PPP3CA: variants seen among roughly 807,000 people sequenced by gnomAD.
The protein encoded by PPP3CA is protein phosphatase 3 catalytic subunit alpha, also known as CAM-PRP catalytic subunit.
In PPP3CA, 14 loss-of-function variants were observed where a neutral mutation model predicts 66.5. That is an observed-to-expected ratio of 0.21 (90% CI 0.14 to 0.33). PPP3CA has a LOEUF of 0.33. Among genes scored for constraint, PPP3CA ranks in the 10% least tolerant of loss-of-function variants. The pLI, the probability that PPP3CA is intolerant of heterozygous loss-of-function variation, is 1.00. For missense variants in PPP3CA, 317 were observed against 639.5 expected (o/e 0.50, Z 5.44); for synonymous variants, 232 against 226.2 (o/e 1.03, Z -0.23).
chr4:101,190,355 A>C (rs1724558058), intron 2 of PPP3CA, among the ~76,000 whole-genome samples: 1 of 152,156 alleles, frequency 6.6e-6, no homozygotes, highest in African/African-American at 2.4e-5. Context: ...TAAATATGTC[A>C]TTATTTGTGA....
At chr4:101,175,688 T>C (rs921168152) in intron 2 of PPP3CA, among the ~76,000 whole-genome samples, 24 of 152,210 alleles carry the variant, frequency 1.6e-4, no homozygotes, top group African/African-American at 5.5e-4. Flanking sequence ...GAGTCTGTCC[T>C]ATATTGTTGA....
intron 2 of PPP3CA, among the ~76,000 whole-genome samples, chr4:101,180,539 AAATT>A (rs1466809868): frequency 6.6e-6 from 1 of 152,168 alleles, no homozygotes; most frequent in African/African-American, 2.4e-5. Context: ...TGTATGCCTT[AAATT>A]TATTCTGGAA....
At chr4:101,236,391 C>G (rs969478625) in intron 1 of PPP3CA, among the ~76,000 whole-genome samples, 6 of 151,860 alleles carry the variant, frequency 4.0e-5, no homozygotes, top group Admixed American at 2.0e-4. Flanking sequence ...CTGAAAGAAA[C>G]CATGTAAACT....
At chr4:101,324,090 AGAGT>A (rs1192250760) in intron 1 of PPP3CA, among the ~76,000 whole-genome samples, 1 of 150,930 alleles carries the variant, frequency 6.6e-6, no homozygotes. Flanking sequence ...CCTGGGTGAC[AGAGT>A]GAGACAAAAG....
intron 1 of PPP3CA, among the ~76,000 whole-genome samples, chr4:101,317,286 A>T (rs543864605): frequency 6.6e-6 from 1 of 150,566 alleles, no homozygotes; most frequent in Admixed American, 6.6e-5. Flanking sequence ...ACACACACAC[A>T]CTCACACACA....
intron 1 of PPP3CA, among the ~76,000 whole-genome samples, chr4:101,327,411 G>T (rs1380177062): frequency 1.3e-5 from 2 of 151,554 alleles, no homozygotes; most frequent in Non-Finnish European, 2.9e-5. Context: ...ATTTACTAGG[G>T]GAATTCCCAA....
chr4:101,269,665 A>G (rs1417722207), intron 1 of PPP3CA, among the ~76,000 whole-genome samples: 2 of 151,864 alleles, frequency 1.3e-5, no homozygotes, highest in Non-Finnish European at 2.9e-5. Context: ...TTCATTAAAT[A>G]TTTGTTGGAA....
chr4:101,268,072 T>G (rs1355384603), intron 1 of PPP3CA, among the ~76,000 whole-genome samples: 5 of 151,944 alleles, frequency 3.3e-5, no homozygotes, highest in Non-Finnish European at 7.4e-5. Context: ...CTTGGGAGGA[T>G]GAAGCAGGAG....
intron 10 of PPP3CA, among the ~76,000 whole-genome samples, chr4:101,050,509 A>G (rs1266959112): frequency 6.6e-6 from 1 of 152,180 alleles, no homozygotes; most frequent in Non-Finnish European, 1.5e-5. Context: ...TTCCTTATCT[A>G]TAAAGTGAGG....
At chr4:101,154,746 T>G (rs2110301474) in intron 2 of PPP3CA, among the ~76,000 whole-genome samples, 1 of 152,256 alleles carries the variant, frequency 6.6e-6, no homozygotes, top group African/African-American at 2.4e-5. Context: ...GAATTACATT[T>G]GTTCTGCCTG....
At chr4:101,092,582 C>G (rs1252482619) in intron 6 of PPP3CA, among the ~76,000 whole-genome samples, 2 of 151,934 alleles carry the variant, frequency 1.3e-5, no homozygotes, top group Non-Finnish European at 1.5e-5. Flanking sequence ...AATATCCTTC[C>G]CCTAGCCCCC....
intron 2 of PPP3CA, among the ~76,000 whole-genome samples, chr4:101,194,543 G>A (rs1054512064): frequency 6.6e-6 from 1 of 151,944 alleles, no homozygotes; most frequent in African/African-American, 2.4e-5. Context: ...AAAGTCTCTG[G>A]TATTAGAAGC....
At chr4:101,111,293 A>T (rs1721661539) in intron 2 of PPP3CA, among the ~76,000 whole-genome samples, 1 of 152,212 alleles carries the variant, frequency 6.6e-6, no homozygotes, top group Admixed American at 6.5e-5. Context: ...GAAACAAATT[A>T]TGAAGCAAGA....
intron 2 of PPP3CA, among the ~76,000 whole-genome samples, chr4:101,160,737 C>A (rs900803025): frequency 2.6e-5 from 4 of 151,934 alleles, no homozygotes; most frequent in Non-Finnish European, 5.9e-5. Flanking sequence ...TATAACTATT[C>A]TTTAAAAATA....
At chr4:101,322,676 C>T (rs1729078681) in intron 1 of PPP3CA, among the ~76,000 whole-genome samples, 1 of 152,138 alleles carries the variant, frequency 6.6e-6, no homozygotes, top group Admixed American at 6.5e-5. Context: ...TCCCAAAGAG[C>T]TGGGATTAAA....
chr4:101,179,990 A>G (rs1195583693), intron 2 of PPP3CA, among the ~76,000 whole-genome samples: 1 of 152,028 alleles, frequency 6.6e-6, no homozygotes, highest in Non-Finnish European at 1.5e-5. Flanking sequence ...AGATAGTTAT[A>G]ATCTGCACTT....
chr4:101,191,490 C>T (rs984321798), intron 2 of PPP3CA, among the ~76,000 whole-genome samples: 9 of 152,192 alleles, frequency 5.9e-5, no homozygotes, highest in African/African-American at 2.2e-4. Context: ...GACTTGCCAG[C>T]AGTGGGCTGG....
At chr4:101,295,791 T>C (rs537400757) in intron 1 of PPP3CA, among the ~76,000 whole-genome samples, 12 of 152,356 alleles carry the variant, frequency 7.9e-5, no homozygotes, top group Non-Finnish European at 1.3e-4. Context: ...TTCCCTCCTA[T>C]GATTTCTCTT....
chr4:101,099,073 C>A (rs1281850186), intron 4 of PPP3CA, among the ~76,000 whole-genome samples: 1 of 151,930 alleles, frequency 6.6e-6, no homozygotes, highest in South Asian at 2.1e-4. Context: ...TGTATTTATA[C>A]ATAAAACAAA....
Sources: allele counts gnomAD v4.1 joint callset (sites outside exome capture counted in the v4.1 genomes callset), GRCh38; gene constraint gnomAD v4.1.1; transcripts MANE v1.5; gene names NCBI Gene and HGNC (gene_info 2026-07-23, HGNC 2026-07-21).